LRP1: variants seen among roughly 807,000 people sequenced by gnomAD.
LRP1 encodes the protein LDL receptor related protein 1, also known as prolow-density lipoprotein receptor-related protein 1.
In LRP1, 51 loss-of-function variants were observed where a neutral mutation model predicts 541.5. The observed-to-expected ratio is 0.09, with a 90% CI of 0.08 to 0.12. The LOEUF is 0.12. Among genes scored for constraint, LRP1 ranks in the 10% least tolerant of loss-of-function variants. The pLI is 1.00. For missense variants in LRP1, 3,878 were observed against 6,376.2 expected (o/e 0.61, Z 13.34); for synonymous variants, 2,219 against 2,470.8 (o/e 0.90, Z 3.02).
Position 57,162,658 on chromosome 12 carries a change from C to A in LRP1, c.2404+140C>A. On this transcript the variant is annotated intron_variant, in intron 14 of 88. Transcript: ENST00000243077. This position sits in a 1 kb window ranked among gnomAD's most constrained non-coding sequence, Gnocchi z 5.2. ...TTTTGAGGATCCTGAGAAGAGAACT[C>A]CCCCAACACAATCTGATTCTCTGTT... 1 of 1,106,338 alleles carries A rather than the reference C, an allele frequency of 9.0e-7. No individual in the cohort carries two copies. The highest frequency in any genetic ancestry group is 1.3e-6 in the Non-Finnish European group (1 of 770,746). The allele number at this position is 1,106,338 out of a possible 1,614,324, so 68.5% of individuals were successfully genotyped here.
At position 57,210,968 on chromosome 12, in the gene LRP1, C is replaced by G. The variant is rs554022734; in HGVS notation, c.12916+89C>G. The G allele has an allele frequency of 2.3e-5, 34 of 1,498,676 alleles. No individual in the cohort carries two copies. In the African/African-American group the frequency reaches 3.0e-4, roughly 13 times the overall value. 92.8% of individuals were successfully genotyped at this position (1,498,676 alleles called of 1,614,324 possible). ...GGTGATGTTCAACCTGTGCCTGGGACCCACAGGGGCAAGTTCAGGAAAGAA... is the reference window on the plus strand; with the variant it reads ...GGTGATGTTCAACCTGTGCCTGGGAGCCACAGGGGCAAGTTCAGGAAAGAA... On this transcript the variant is annotated intron_variant, in intron 83 of 88. Transcript: ENST00000243077.
At position 57,165,259 on chromosome 12, in the gene LRP1, G is replaced by A. The variant is rs1158746639; in HGVS notation, c.2531-546G>A. ...TCACACAGGAGCCTGCACTTGTGGA[G>A]GTTACCAAGGCACAGACAAAGGACG... On this transcript the variant is annotated intron_variant, in intron 15 of 88. Coordinates refer to ENST00000243077, the MANE Select transcript of LRP1 (RefSeq NM_002332.3). This position sits in a 1 kb window ranked among gnomAD's most constrained non-coding sequence, Gnocchi z 4.5. 6.5e-6 allele frequency: 1 copy of A among 153,332 alleles called. No homozygotes were observed. Among genetic ancestry groups the A allele is most frequent in the African/African-American group, 2.4e-5 (1 of 41,444 alleles). 9.5% of individuals were successfully genotyped at this position (153,332 alleles called of 1,614,324 possible).
intron 1 of LRP1, among the ~76,000 whole-genome samples, chr12:57,131,605 C>T (rs894667351): frequency 3.3e-5 from 5 of 152,150 alleles, no homozygotes; most frequent in African/African-American, 1.2e-4. Flanking sequence ...CTCCTTTCTC[C>T]CTGATCAGAC....
At chr12:57,200,091 C>A in intron 62 of LRP1, 66 bp downstream of exon 62, 2 of 1,379,736 alleles carry the variant, frequency 1.4e-6, no homozygotes, top group Non-Finnish European at 2.0e-6. Context: ...TCCTTGGACC[C>A]CAACACCTGC....
At chr12:57,171,792 G>A (rs1009740248) in intron 20 of LRP1, among the ~76,000 whole-genome samples, 9 of 152,142 alleles carry the variant, frequency 5.9e-5, no homozygotes, top group African/African-American at 2.2e-4. Context: ...CAGCATGAGT[G>A]TATGAGTGTG....
rs771324208 is a variant in LRP1, at chr12:57,203,515, A to G, written c.10945A>G (p.Thr3649Ala). The G allele has an allele frequency of 1.9e-5, 30 of 1,540,460 alleles. 1 individual carries two copies. In the South Asian group the frequency reaches 3.1e-4, roughly 16 times the overall value. Residue 3649 changes from threonine to alanine, a missense_variant, in exon 70 of 89, where the codon ACT becomes GCT. This residue lies in a region of LRP1 where 278 missense variants were observed against 536.3 expected (regional missense o/e 0.52). Coordinates refer to ENST00000243077, the MANE Select transcript of LRP1 (RefSeq NM_002332.3). The part of the protein sequence containing the change: ...MDGSDEEACG[T>A]GVRTCPLDEF... Reference sequence around the variant, plus strand: ...CGGCAGCGACGAGGAGGCCTGCGGCACTGGCGGTGCGCCCCTTGGCTTGGT... The same window carrying G: ...CGGCAGCGACGAGGAGGCCTGCGGCGCTGGCGGTGCGCCCCTTGGCTTGGT...
chr12:57,173,422 T>A lies in LRP1; in HGVS notation c.3346+72T>A. ...GGAGGAGACCGTGTTGAGAGCAGAG[T>A]AGCGGCAAAGGGGATGGCACTGTGC... On this transcript the variant is annotated intron_variant, in intron 21 of 88. Transcript: ENST00000243077. This position sits in a 1 kb window ranked among gnomAD's most constrained non-coding sequence, Gnocchi z 4.7. The A allele has an allele frequency of 6.6e-7, 1 of 1,507,956 alleles. No homozygotes were observed. Among genetic ancestry groups the A allele is most frequent in the Non-Finnish European group, 9.1e-7 (1 of 1,103,224 alleles). The allele number at this position is 1,507,956 out of a possible 1,614,324, so 93.4% of individuals were successfully genotyped here. A position where few individuals can be genotyped will look rare whatever the true frequency, so the allele number is the denominator to read the frequency against.
At chr12:57,159,698 C>G in intron 11 of LRP1, 127 bp from the exon 12 acceptor site, 1 of 839,266 alleles carries the variant, frequency 1.2e-6, no homozygotes, top group South Asian at 1.6e-5. Flanking sequence ...GTCTAGGGCC[C>G]CAGAGGGTCC....
rs201079177 is a variant in LRP1 at position 57,208,160 on chromosome 12, G to A, written c.11982G>A (p.Thr3994=). ...AGATGAAGGGCGAGAACCGCAAGAC[G>A]CTCATCTCGGGCATGATTGACGAGC... ...VAQMKGENRK[T]LISGMIDEPH... Residue 3994 remains threonine (T), a synonymous_variant, in exon 77 of 89, where the codon ACG becomes ACA. Coordinates refer to ENST00000243077, the MANE Select transcript of LRP1 (RefSeq NM_002332.3). 12 of 1,614,020 alleles carry A rather than the reference G, an allele frequency of 7.4e-6. No homozygotes were observed. The highest frequency in any genetic ancestry group is 6.7e-5 in the East Asian group (3 of 44,890).
At chr12:57,163,471 C>T (rs895399783) in intron 15 of LRP1, among the ~76,000 whole-genome samples, 7 of 151,402 alleles carry the variant, frequency 4.6e-5, no homozygotes, top group Non-Finnish European at 8.8e-5. Flanking sequence ...CCTAGCTACT[C>T]GGGAGGCTGA....
rs548124887 is a variant in LRP1 at position 57,173,745 on chromosome 12, C to CG, written c.3347-32dup. 74 of 1,599,852 alleles carry CG rather than the reference C, an allele frequency of 4.6e-5. 3 individuals are homozygous for CG. In the South Asian group the frequency reaches 7.0e-4, roughly 15 times the overall value. On this transcript the variant is annotated intron_variant, in intron 21 of 88. Transcript: ENST00000243077. This position sits in a 1 kb window ranked among gnomAD's most constrained non-coding sequence, Gnocchi z 4.7. ...GAAGGGCAGGGGGAGCCCCAGTCCC[C>CG]GGGCCTGGGCCCTCATAGTGCACCT...
intron 11 of LRP1, among the ~76,000 whole-genome samples, chr12:57,159,070 A>C (rs2035679015): frequency 6.6e-6 from 1 of 152,150 alleles, no homozygotes. Flanking sequence ...TCCTGAGAAA[A>C]TTGTGTTTTG....
chr12:57,173,993 C>T lies in LRP1; in HGVS notation c.3547+13C>T. The T allele has an allele frequency of 6.2e-7, 1 of 1,613,154 alleles. No homozygotes were observed. Among genetic ancestry groups the T allele is most frequent in the Non-Finnish European group, 8.5e-7 (1 of 1,179,670 alleles). The stretch of plus-strand genomic sequence containing the variant: ...GGCGAGCTCTGCGGTGAGGCCTGGT[C>T]CCAGGAGAAGGGTAGGGAGGGTGGC... On this transcript the variant is annotated intron_variant, in intron 22 of 88. Coordinates refer to ENST00000243077, the MANE Select transcript of LRP1 (RefSeq NM_002332.3). The surrounding 1 kb of genome is among the most constrained non-coding windows in gnomAD (Gnocchi z 4.7).
rs747547984 is a variant in LRP1, at chr12:57,160,924, C to A, written c.2011C>A (p.Pro671Thr). ...WMYWTDWEED[P>T]KDSRRGRLER... Reference sequence around the variant, plus strand: ...GTACTGGACAGACTGGGAGGAGGACCCCAAGGACAGTCGGCGTGGGCGGCT... The same window carrying A: ...GTACTGGACAGACTGGGAGGAGGACACCAAGGACAGTCGGCGTGGGCGGCT... The change falls in exon 13 of 89, where the codon CCC (proline) becomes ACC (threonine). Residue 671 changes from proline (P) to threonine (T), a missense_variant. By Grantham distance (38) the Pro-to-Thr change is conservative (BLOSUM62 -1). Around this residue, in one of 13 missense-constraint regions of LRP1, gnomAD observed 496 missense variants for 861.0 expected, o/e 0.58. Coordinates refer to ENST00000243077, the MANE Select transcript of LRP1 (RefSeq NM_002332.3). 19 of 1,613,690 alleles carry A rather than the reference C, an allele frequency of 1.2e-5. No homozygotes were observed. Among genetic ancestry groups the A allele is most frequent in the Non-Finnish European group, 1.5e-5 (18 of 1,179,990 alleles).
chr12:57,167,290 G>A (rs1193920063), intron 18 of LRP1, among the ~76,000 whole-genome samples, 154 bp from the exon 19 acceptor site: 1 of 152,188 alleles, frequency 6.6e-6, no homozygotes, highest in Admixed American at 6.5e-5. Context: ...AGTGAGTGGA[G>A]TTTCCAGCCG....
At chr12:57,169,842 G>A (rs1186491904) in intron 20 of LRP1, among the ~76,000 whole-genome samples, 4 of 152,266 alleles carry the variant, frequency 2.6e-5, no homozygotes, top group Non-Finnish European at 4.4e-5. Flanking sequence ...CCCAGCCTCG[G>A]GGGCGGTGGG....
chr12:57,169,333 G>C (rs759124144), intron 20 of LRP1, 26 bp downstream of exon 20: 1 of 1,584,264 alleles, frequency 6.3e-7, no homozygotes, highest in Non-Finnish European at 8.6e-7. Context: ...CCGTGGGGTG[G>C]GGATGAGATC....
At chr12:57,143,589 A>C in intron 3 of LRP1, 90 bp from the exon 4 acceptor site, 1 of 1,510,004 alleles carries the variant, frequency 6.6e-7, no homozygotes, top group Non-Finnish European at 9.0e-7. Flanking sequence ...GTGGTTTCTG[A>C]AGGTTGACTG....
In LRP1 at chr12:57,131,847, C is replaced by G. The variant is rs113391806; in HGVS notation, c.67+2816C>G. On this transcript the variant is annotated intron_variant, in intron 1 of 88. Transcript: ENST00000243077. ...GCCAGAGTCAGTTCCTGTCCAGATG[C>G]CCCCATTCTTCAAAACCCCTTCCTT... Among the ~76,000 whole-genome samples, 55 of 152,230 alleles carry G rather than the reference C, an allele frequency of 3.6e-4. 3 individuals carry two copies. Among genetic ancestry groups the G allele is most frequent in the African/African-American group, 1.3e-3 (53 of 41,536 alleles).
Sources: gnomAD v4.1 joint callset for allele counts (sites outside exome capture counted in the v4.1 genomes callset) on GRCh38, gnomAD v4.1.1 for gene constraint, gnomAD v4.1.1 regional missense constraint, Gnocchi (gnomAD v3.1) non-coding constraint, MANE v1.5 for transcripts, NCBI Gene and HGNC (gene_info 2026-07-23, HGNC 2026-07-21) for gene names.